The following ADGRB3 variants were observed in gnomAD, a reference collection of about 807,000 sequenced individuals.
ADGRB3 encodes the protein brain-specific angiogenesis inhibitor 3.
In ADGRB3, 37 loss-of-function variants were observed where a neutral mutation model predicts 193.4. The observed-to-expected ratio is 0.19, with a 90% CI of 0.15 to 0.25. The LOEUF (loss-of-function observed/expected upper bound fraction) is 0.25. Among genes scored for constraint, ADGRB3 ranks in the 10% least tolerant of loss-of-function variants. The probability of loss-of-function intolerance (pLI) is 1.00; values close to 1 mark genes in which losing one functional copy is unlikely to be tolerated. For missense variants in ADGRB3, 1,637 were observed against 1,852.9 expected (o/e 0.88, Z 2.14); for synonymous variants, 690 against 644.2 (o/e 1.07, Z -1.08).
chr6:69,314,847 A>G (rs1247030084), intron 20 of ADGRB3, among the ~76,000 whole-genome samples: 1 of 151,532 alleles, frequency 6.6e-6, no homozygotes, highest in East Asian at 1.9e-4. Flanking sequence ...CAAATTTTTC[A>G]TTTAATTTTA....
intron 17 of ADGRB3, among the ~76,000 whole-genome samples, chr6:69,130,584 C>T (rs778710883): frequency 2.0e-5 from 3 of 150,438 alleles, no homozygotes; most frequent in Non-Finnish European, 3.0e-5. Context: ...TTCAGCCCCC[C>T]GACTGGGCTC....
At chr6:69,358,936 T>A (rs1769388608) in intron 28 of ADGRB3, among the ~76,000 whole-genome samples, 1 of 140,386 alleles carries the variant, frequency 7.1e-6, no homozygotes, top group Admixed American at 8.0e-5. Flanking sequence ...TATATATATA[T>A]TTTTTTTCAG....
At chr6:69,334,007 AAAATAAAAT>A (rs1768787893) in intron 24 of ADGRB3, among the ~76,000 whole-genome samples, 4 of 107,842 alleles carry the variant, frequency 3.7e-5, no homozygotes, top group Non-Finnish European at 7.5e-5. Flanking sequence ...AAAATAAAAT[AAAATAAAAT>A]AAAAAATATG....
At chr6:69,274,032 A>G (rs1173491741) in intron 20 of ADGRB3, among the ~76,000 whole-genome samples, 1 of 152,158 alleles carries the variant, frequency 6.6e-6, no homozygotes, top group African/African-American at 2.4e-5. Flanking sequence ...GAGGTAGGGG[A>G]AAAATGTGAA....
chr6:69,022,114 A>G (rs1435500406), intron 13 of ADGRB3, among the ~76,000 whole-genome samples: 2 of 151,864 alleles, frequency 1.3e-5, no homozygotes, highest in Admixed American at 6.6e-5. Flanking sequence ...GCATGAGTTA[A>G]TGAGCATTTA....
chr6:68,712,093 T>C (rs1002610532), intron 3 of ADGRB3, among the ~76,000 whole-genome samples: 7 of 151,996 alleles, frequency 4.6e-5, no homozygotes, highest in African/African-American at 1.7e-4. Context: ...TCTCCAAAAA[T>C]AATGACTGAG....
At chr6:68,741,291 G>A (rs1765975578) in intron 3 of ADGRB3, among the ~76,000 whole-genome samples, 1 of 152,174 alleles carries the variant, frequency 6.6e-6, no homozygotes, top group African/African-American at 2.4e-5. Flanking sequence ...CGGAGATAAA[G>A]TAACCTCCTA....
At chr6:69,098,836 T>TA (rs1338495584) in intron 17 of ADGRB3, among the ~76,000 whole-genome samples, 1 of 152,152 alleles carries the variant, frequency 6.6e-6, no homozygotes, top group East Asian at 1.9e-4. Context: ...AAAATTCAAA[T>TA]AAAAAATTAT....
intron 23 of ADGRB3, 54 bp from the exon 24 acceptor site, chr6:69,332,869 G>A: frequency 6.3e-7 from 1 of 1,596,394 alleles, no homozygotes; most frequent in Middle Eastern, 1.7e-4. Flanking sequence ...GGAGAAACAG[G>A]GACCTGATTC....
chr6:69,378,131 G>A (rs1769869634), intron 30 of ADGRB3, among the ~76,000 whole-genome samples: 1 of 152,028 alleles, frequency 6.6e-6, no homozygotes, highest in Admixed American at 6.6e-5. Flanking sequence ...AGACGAATAA[G>A]CAATTGTCCA....
At chr6:69,108,684 G>A (rs1561921493) in intron 17 of ADGRB3, among the ~76,000 whole-genome samples, 1 of 152,044 alleles carries the variant, frequency 6.6e-6, no homozygotes, top group Non-Finnish European at 1.5e-5. Flanking sequence ...CATTTTTTTA[G>A]TAAGTAAAAT....
At chr6:69,245,289 A>G (rs1257083379) in intron 20 of ADGRB3, among the ~76,000 whole-genome samples, 3 of 151,994 alleles carry the variant, frequency 2.0e-5, no homozygotes, top group Non-Finnish European at 4.4e-5. Context: ...AAATCTGACC[A>G]CTCGATTTCT....
chr6:68,781,507 T>A (rs1433909990), intron 3 of ADGRB3, among the ~76,000 whole-genome samples: 1 of 152,156 alleles, frequency 6.6e-6, no homozygotes, highest in African/African-American at 2.4e-5. Flanking sequence ...CTAATAATTT[T>A]GTCCCTACTT....
At chr6:68,775,645 C>A (rs1204697978) in intron 3 of ADGRB3, among the ~76,000 whole-genome samples, 1 of 152,096 alleles carries the variant, frequency 6.6e-6, no homozygotes, top group East Asian at 1.9e-4. Context: ...AGTTTCTTCT[C>A]TGAGATTTCA....
chr6:69,306,559 A>T (rs780699808), intron 20 of ADGRB3, among the ~76,000 whole-genome samples: 2 of 151,468 alleles, frequency 1.3e-5, no homozygotes, highest in Non-Finnish European at 2.9e-5. Flanking sequence ...AATAACTATA[A>T]ATACTGCAAT....
chr6:69,015,913 C>T (rs1053671337), intron 12 of ADGRB3, among the ~76,000 whole-genome samples: 6 of 150,912 alleles, frequency 4.0e-5, no homozygotes, highest in East Asian at 1.9e-4. Flanking sequence ...TTAACAAGTC[C>T]GGTTTAGTCA....
chr6:69,362,893 T>C (rs1170421534), intron 29 of ADGRB3, among the ~76,000 whole-genome samples: 1 of 151,990 alleles, frequency 6.6e-6, no homozygotes, highest in Admixed American at 6.6e-5. Context: ...CACAGAAGTT[T>C]TTAAAAGGAT....
At chr6:69,289,098 G>T (rs1039213334) in intron 20 of ADGRB3, among the ~76,000 whole-genome samples, 4 of 152,138 alleles carry the variant, frequency 2.6e-5, no homozygotes, top group African/African-American at 9.7e-5. Context: ...GGACTTTTCA[G>T]GGGTGATCTC....
At chr6:68,651,810 G>C (rs537435698) in intron 3 of ADGRB3, among the ~76,000 whole-genome samples, 1 of 152,076 alleles carries the variant, frequency 6.6e-6, no homozygotes, top group Non-Finnish European at 1.5e-5. Flanking sequence ...TGGTAGGAGA[G>C]GCAACTCCTC....
Sources: gnomAD v4.1 joint callset for allele counts (sites outside exome capture counted in the v4.1 genomes callset) on GRCh38, gnomAD v4.1.1 for gene constraint, MANE v1.5 for transcripts, NCBI Gene and HGNC (gene_info 2026-07-23, HGNC 2026-07-21) for gene names.